Variants in DOCK3 observed in about 807,000 individuals in gnomAD.
DOCK3 encodes the protein dedicator of cytokinesis 3, also known as dedicator of cytokinesis protein 3.
A neutral mutation model predicts 265.6 loss-of-function variants in DOCK3; 60 were observed. The ratio of observed to expected loss-of-function variants is 0.23; its 90% CI spans 0.18 to 0.28. The LOEUF (loss-of-function observed/expected upper bound fraction) is 0.28, where lower values mean the gene tolerates loss of function less well. Ranked by LOEUF, DOCK3 falls within the 10% of genes least tolerant of loss-of-function variation. The probability of loss-of-function intolerance (pLI) is 1.00; values close to 1 mark genes in which losing one functional copy is unlikely to be tolerated. For missense variants in DOCK3, 1,981 were observed against 2,594.3 expected (o/e 0.76, Z 5.14); for synonymous variants, 881 against 938.0 (o/e 0.94, Z 1.11).
At position 51,381,736 on chromosome 3, in the gene DOCK3, GC is replaced by G; in HGVS notation, c.*179del. 1.3e-6 allele frequency: 1 copy of G among 749,092 alleles called. No individual in the cohort carries two copies. Among genetic ancestry groups the G allele is most frequent in the Non-Finnish European group, 2.0e-6 (1 of 507,134 alleles). 46.4% of individuals were successfully genotyped at this position (749,092 alleles called of 1,614,324 possible). On this transcript the variant is annotated 3_prime_UTR_variant, in exon 53 of 53. Transcript: ENST00000266037. The surrounding 1 kb of genome is among the most constrained non-coding windows in gnomAD (Gnocchi z 5.6). The stretch of plus-strand genomic sequence containing the variant: ...AACTCATGTGTTGCCATGTACAGAG[GC>G]CACAGCAGCATGAAGGGTTGTGGCT...
At chr3:51,006,624 AT>A (rs112315717) in intron 5 of DOCK3, among the ~76,000 whole-genome samples, 1 of 150,836 alleles carries the variant, frequency 6.6e-6, no homozygotes, top group Non-Finnish European at 1.5e-5. Flanking sequence ...GACCTTCATC[AT>A]TTTTTTTTAT....
At chr3:51,040,353 T>C (rs1457818811) in intron 5 of DOCK3, among the ~76,000 whole-genome samples, 1 of 152,174 alleles carries the variant, frequency 6.6e-6, no homozygotes, top group Non-Finnish European at 1.5e-5. Context: ...ATAAAGCAAG[T>C]CACATGAATA....
intron 4 of DOCK3, among the ~76,000 whole-genome samples, chr3:50,892,645 C>T (rs920462715): frequency 6.6e-6 from 1 of 151,982 alleles, no homozygotes; most frequent in African/African-American, 2.4e-5. Flanking sequence ...CTGGAGTAGC[C>T]AGCATAATTT....
intron 5 of DOCK3, among the ~76,000 whole-genome samples, chr3:50,974,244 G>A (rs1191833672): frequency 5.3e-5 from 8 of 151,734 alleles, no homozygotes; most frequent in Non-Finnish European, 1.0e-4. Flanking sequence ...TATTGCCTAG[G>A]TTTTCTTCTA....
At chr3:51,011,298 T>A (rs910684574) in intron 5 of DOCK3, among the ~76,000 whole-genome samples, 1 of 152,200 alleles carries the variant, frequency 6.6e-6, no homozygotes, top group African/African-American at 2.4e-5. Context: ...CATAGTCCCA[T>A]ATTTCTTGGA....
chr3:51,141,179 C>T (rs1299751788), intron 9 of DOCK3, among the ~76,000 whole-genome samples: 1 of 110,974 alleles, frequency 9.0e-6, no homozygotes, highest in African/African-American at 3.7e-5. Context: ...GAATTTATAC[C>T]TATATTTTCT....
At chr3:50,806,890 A>G (rs1004895230) in intron 2 of DOCK3, among the ~76,000 whole-genome samples, 2 of 151,962 alleles carry the variant, frequency 1.3e-5, no homozygotes, top group African/African-American at 4.8e-5. Flanking sequence ...AGTTGCATGA[A>G]TTTCTGGTGG....
intron 3 of DOCK3, among the ~76,000 whole-genome samples, chr3:50,888,643 G>T (rs1010976886): frequency 5.3e-5 from 8 of 152,148 alleles, no homozygotes; most frequent in African/African-American, 1.9e-4. Context: ...AAACAGCATG[G>T]TACTGGTACC....
intron 5 of DOCK3, among the ~76,000 whole-genome samples, chr3:51,034,547 T>C (rs780360823): frequency 5.3e-5 from 8 of 152,114 alleles, no homozygotes; most frequent in Non-Finnish European, 1.2e-4. Flanking sequence ...CTATTCTTTG[T>C]TACATTCATC....
At chr3:51,114,391 C>T (rs1447369044) in intron 9 of DOCK3, among the ~76,000 whole-genome samples, 2 of 152,160 alleles carry the variant, frequency 1.3e-5, no homozygotes, top group African/African-American at 2.4e-5. Flanking sequence ...CTGTGGCCAA[C>T]ATTATTTCAC....
intron 5 of DOCK3, among the ~76,000 whole-genome samples, chr3:51,043,057 AC>A (rs2080603650): frequency 6.6e-6 from 1 of 152,228 alleles, no homozygotes; most frequent in Non-Finnish European, 1.5e-5. Context: ...CCATTAAACT[AC>A]CATTGACATT....
At chr3:51,155,837 G>A (rs1197545810) in intron 10 of DOCK3, among the ~76,000 whole-genome samples, 4 of 152,158 alleles carry the variant, frequency 2.6e-5, no homozygotes, top group Non-Finnish European at 4.4e-5. Context: ...ATATCTATTC[G>A]TATTTACTCA....
chr3:50,848,048 C>T lies in DOCK3; in HGVS notation c.162+6333C>T, dbSNP rs529920761. On this transcript the variant is annotated intron_variant, in intron 3 of 52. Transcript: ENST00000266037. Reference sequence around the variant, plus strand: ...AATTCAACTCTTCATCATTATATCACGCTCTTCTTTGTCCTTTTTTTATTG... The same window carrying T: ...AATTCAACTCTTCATCATTATATCATGCTCTTCTTTGTCCTTTTTTTATTG... 2.1e-4 allele frequency among the ~76,000 whole-genome samples: 18 copies of T among 85,932 alleles called. No individual in the cohort carries two copies. The South Asian group carries it at 4.2e-3, about 20-fold the overall frequency. 56.4% of individuals were successfully genotyped at this position (85,932 alleles called of 152,430 possible). A position where few individuals can be genotyped will look rare whatever the true frequency, so the allele number is the denominator to read the frequency against.
intron 27 of DOCK3, among the ~76,000 whole-genome samples, chr3:51,281,257 G>T (rs1319918317): frequency 7.3e-6 from 1 of 137,626 alleles, no homozygotes; most frequent in Non-Finnish European, 1.5e-5. Context: ...TAACACTAAC[G>T]ATAGCTGATG....
intron 43 of DOCK3, 95 bp from the exon 44 acceptor site, chr3:51,356,867 G>T (rs751567402): frequency 3.8e-5 from 52 of 1,385,196 alleles, no homozygotes; most frequent in Non-Finnish European, 4.6e-5. Context: ...CAAGGAAGGG[G>T]AATCAATACC....
At chr3:50,903,199 T>C (rs942486406) in intron 4 of DOCK3, among the ~76,000 whole-genome samples, 1 of 152,250 alleles carries the variant, frequency 6.6e-6, no homozygotes, top group Non-Finnish European at 1.5e-5. Flanking sequence ...CTTCCAATGC[T>C]GTGTTGAATA....
At chr3:50,727,895 A>G (rs2037932613) in intron 1 of DOCK3, among the ~76,000 whole-genome samples, 1 of 152,178 alleles carries the variant, frequency 6.6e-6, no homozygotes, top group Admixed American at 6.6e-5. Flanking sequence ...TTTAGTAACC[A>G]ATAGAAGAAA....
chr3:50,943,273 A>G (rs1277485076), intron 5 of DOCK3, among the ~76,000 whole-genome samples: 3 of 152,064 alleles, frequency 2.0e-5, no homozygotes, highest in African/African-American at 7.2e-5. Context: ...ACTCTGGTGA[A>G]TCTCTGTTTT....
intron 1 of DOCK3, among the ~76,000 whole-genome samples, chr3:50,705,716 A>C (rs1207644890): frequency 6.6e-6 from 1 of 152,036 alleles, no homozygotes; most frequent in Non-Finnish European, 1.5e-5. Context: ...TGCCCAGTCG[A>C]GATCTGATGG....
Sources: gnomAD v4.1 joint callset for allele counts (sites outside exome capture counted in the v4.1 genomes callset) on GRCh38, gnomAD v4.1.1 for gene constraint, Gnocchi (gnomAD v3.1) non-coding constraint, MANE v1.5 for transcripts, NCBI Gene and HGNC (gene_info 2026-07-23, HGNC 2026-07-21) for gene names.